The following AKAP7 variants were observed in gnomAD, a reference collection of about 807,000 sequenced individuals.
The protein encoded by AKAP7 is A-kinase anchoring protein 7.
AKAP7 carries 39 observed loss-of-function variants against 39.5 expected under a neutral mutation model. The ratio of observed to expected loss-of-function variants is 0.99; its 90% CI spans 0.76 to 1.29. The LOEUF (loss-of-function observed/expected upper bound fraction) is 1.29, where lower values mean the gene tolerates loss of function less well. Ranked by LOEUF, AKAP7 falls within the 50% of genes most tolerant of loss-of-function variation. AKAP7 has a pLI of 0.00. For synonymous variants in AKAP7, 140 were observed against 139.1 expected, an observed-to-expected ratio of 1.01 and a Z score of -0.05; for missense variants, 414 against 407.7, an observed-to-expected ratio of 1.02 and a Z score of -0.13.
At chr6:131,255,031 C>T (rs1360105358) in intron 7 of AKAP7, among the ~76,000 whole-genome samples, 1 of 152,116 alleles carries the variant, frequency 6.6e-6, no homozygotes, top group African/African-American at 2.4e-5. Flanking sequence ...TCAAATTTTA[C>T]ACAAGGACAT....
chr6:131,253,035 A>T, intron 7 of AKAP7: 1 of 1,613,252 alleles, frequency 6.2e-7, no homozygotes, highest in Non-Finnish European at 8.5e-7. Context: ...CTCAAAACAC[A>T]GGTGAGTTGG....
chr6:131,129,284 C>A, the AKAP7 span, among the ~76,000 whole-genome samples: 1,114 of 130,538 alleles, frequency 8.5e-3, no homozygotes, highest in Admixed American at 9.4e-3. Context: ...AAGACTCTGT[C>A]AAAAAAAAAA....
intron 2 of AKAP7, among the ~76,000 whole-genome samples, chr6:131,158,810 G>GAACT (rs1334705981): frequency 6.6e-6 from 1 of 151,690 alleles, no homozygotes; most frequent in Non-Finnish European, 1.5e-5. Flanking sequence ...CCCTGCAGGG[G>GAACT]AACTGTATTT....
At chr6:131,272,204 T>C (rs1814339233) in intron 7 of AKAP7, among the ~76,000 whole-genome samples, 1 of 152,238 alleles carries the variant, frequency 6.6e-6, no homozygotes, top group Non-Finnish European at 1.5e-5. Flanking sequence ...GTATAATCGA[T>C]AGTGATGTTT....
chr6:131,237,010 T>G (rs1160043166), intron 7 of AKAP7, among the ~76,000 whole-genome samples: 1 of 152,164 alleles, frequency 6.6e-6, no homozygotes, highest in Non-Finnish European at 1.5e-5. Context: ...GCTTCCAGTT[T>G]TTGTCCATTC....
intron 5 of AKAP7, chr6:131,185,239 C>G: frequency 2.1e-6 from 1 of 469,250 alleles, no homozygotes; most frequent in Non-Finnish European, 4.1e-6. Flanking sequence ...CAGGGGTGGG[C>G]TCACCGCTTT....
intron 7 of AKAP7, among the ~76,000 whole-genome samples, chr6:131,256,071 G>C (rs1812821501): frequency 6.6e-6 from 1 of 152,188 alleles, no homozygotes; most frequent in African/African-American, 2.4e-5. Flanking sequence ...CAGTCTCCCG[G>C]GGTGCCATGG....
intron 7 of AKAP7, among the ~76,000 whole-genome samples, chr6:131,245,412 G>GTT (rs71802064): frequency 2.1e-5 from 3 of 139,844 alleles, no homozygotes; most frequent in African/African-American, 7.9e-5. Flanking sequence ...GCCCAGCTAC[G>GTT]TTTTTTTTTT....
chr6:131,163,210 G>GT (rs1803160134), intron 3 of AKAP7, among the ~76,000 whole-genome samples: 1 of 152,158 alleles, frequency 6.6e-6, no homozygotes, highest in Non-Finnish European at 1.5e-5. Context: ...ACCAAATAAT[G>GT]TAATGTTTCC....
chr6:131,158,999 G>A (rs1218863046), intron 2 of AKAP7, among the ~76,000 whole-genome samples: 2 of 152,134 alleles, frequency 1.3e-5, no homozygotes, highest in Admixed American at 6.5e-5. Context: ...ATTGTTAGAT[G>A]TTGTAAATGA....
intron 7 of AKAP7, among the ~76,000 whole-genome samples, chr6:131,229,667 G>A (rs1470076481): frequency 6.6e-6 from 1 of 152,110 alleles, no homozygotes; most frequent in African/African-American, 2.4e-5. Context: ...CTCCCAGTTT[G>A]TTTTTATCTA....
intron 5 of AKAP7, among the ~76,000 whole-genome samples, chr6:131,181,317 C>T (rs1805213708): frequency 6.6e-6 from 1 of 152,154 alleles, no homozygotes; most frequent in African/African-American, 2.4e-5. Context: ...TAGGTGTCAT[C>T]CTAAACCCCA....
Position 131,135,549 on chromosome 6 carries a change from G to GCTGCCGCTGCCGCCGCC in AKAP7, c.-215_-214insCTGCCGCTGCCGCCGCC. 1 of 194,910 alleles carries GCTGCCGCTGCCGCCGCC rather than the reference G, an allele frequency of 5.1e-6. No homozygotes were observed. The allele number at this position is 194,910 out of a possible 1,614,324, so 12.1% of individuals were successfully genotyped here. A position where few individuals can be genotyped will look rare whatever the true frequency, so the allele number is the denominator to read the frequency against. ...CCGCCGCTGCTGCCGCTGCCGCGGG[G>GCTGCCGCTGCCGCCGCC]GCTGCGGCTTGGGAAGCTCCGCGCT... On this transcript the variant is annotated 5_prime_UTR_variant, in exon 1 of 8. Coordinates refer to ENST00000431975, the MANE Select transcript of AKAP7 (RefSeq NM_016377.4).
chr6:131,199,410 G>T (rs184071232), intron 5 of AKAP7, 51 bp from the exon 6 acceptor site: 3 of 1,250,596 alleles, frequency 2.4e-6, no homozygotes, highest in African/African-American at 1.5e-5. Flanking sequence ...CAGTTAAAAA[G>T]AACTGAAAAT....
intron 7 of AKAP7, among the ~76,000 whole-genome samples, chr6:131,257,753 C>T (rs2128323954): frequency 6.6e-6 from 1 of 152,230 alleles, no homozygotes; most frequent in South Asian, 2.1e-4. Context: ...ATGGAGCCAG[C>T]ACAGAGGAAA....
chr6:131,256,820 G>A (rs1248286861), intron 7 of AKAP7, among the ~76,000 whole-genome samples: 1 of 151,946 alleles, frequency 6.6e-6, no homozygotes, highest in Admixed American at 6.6e-5. Context: ...GATTATAGAT[G>A]TGAGCCACTG....
intron 6 of AKAP7, among the ~76,000 whole-genome samples, chr6:131,202,797 G>A (rs912816610): frequency 6.6e-6 from 1 of 151,938 alleles, no homozygotes; most frequent in African/African-American, 2.4e-5. Context: ...AACAAATTAT[G>A]ATATTATCAT....
chr6:131,177,642 A>T (rs1318650098), intron 5 of AKAP7, among the ~76,000 whole-genome samples: 5 of 152,150 alleles, frequency 3.3e-5, no homozygotes, highest in African/African-American at 1.2e-4. Context: ...GTGGGGAAAA[A>T]CCACATCCAA....
intron 5 of AKAP7, among the ~76,000 whole-genome samples, chr6:131,192,827 A>T (rs1443607639): frequency 6.6e-6 from 1 of 152,012 alleles, no homozygotes; most frequent in Non-Finnish European, 1.5e-5. Context: ...TAGGTGTTTA[A>T]TTTTGTTTGT....
Sources: gnomAD v4.1 joint callset for allele counts (sites outside exome capture counted in the v4.1 genomes callset) on GRCh38, gnomAD v4.1.1 for gene constraint, MANE v1.5 for transcripts, NCBI Gene and HGNC (gene_info 2026-07-23, HGNC 2026-07-21) for gene names.